Variants in CSMD1 observed in about 807,000 individuals in gnomAD.
CSMD1 encodes CUB and sushi domain-containing protein 1.
CSMD1 carries 213 observed loss-of-function variants against 417.5 expected under a neutral mutation model. The ratio of observed to expected loss-of-function variants is 0.51; its 90% CI spans 0.46 to 0.57. The LOEUF is 0.57. Among genes scored for constraint, CSMD1 ranks in the 20% least tolerant of loss-of-function variants. CSMD1 has a pLI of 0.00. For missense variants in CSMD1, 6,923 were observed against 4,529.7 expected (o/e 1.53, Z -15.17); for synonymous variants, 2,862 against 1,736.8 (o/e 1.65, Z -16.11).
chr8:3,665,812 T>C (rs1420303861), intron 7 of CSMD1, among the ~76,000 whole-genome samples: 1 of 152,142 alleles, frequency 6.6e-6, no homozygotes, highest in Non-Finnish European at 1.5e-5. Context: ...CCTAGGAATC[T>C]CTTGAATGAT....
chr8:3,640,895 G>T (rs1355308099), intron 7 of CSMD1, among the ~76,000 whole-genome samples: 1 of 152,012 alleles, frequency 6.6e-6, no homozygotes, highest in Admixed American at 6.6e-5. Flanking sequence ...CCAATATGTG[G>T]CATTAATCAT....
chr8:4,125,597 G>C (rs959340155), intron 3 of CSMD1, among the ~76,000 whole-genome samples: 1 of 152,202 alleles, frequency 6.6e-6, no homozygotes, highest in Non-Finnish European at 1.5e-5. Flanking sequence ...TGCCTTTGCA[G>C]AATTATAACT....
intron 3 of CSMD1, among the ~76,000 whole-genome samples, chr8:4,237,115 T>C (rs182691221): frequency 6.6e-6 from 1 of 152,314 alleles, no homozygotes; most frequent in East Asian, 1.9e-4. Flanking sequence ...CATCAAGAAC[T>C]AGCTACTTTG....
intron 1 of CSMD1, among the ~76,000 whole-genome samples, chr8:4,764,243 G>C (rs994820448): frequency 2.0e-5 from 3 of 152,198 alleles, no homozygotes; most frequent in African/African-American, 7.2e-5. Context: ...GTATTGTACA[G>C]AGATTAGGGA....
At chr8:4,326,533 T>G (rs1195774333) in intron 3 of CSMD1, among the ~76,000 whole-genome samples, 1 of 152,128 alleles carries the variant, frequency 6.6e-6, no homozygotes, top group African/African-American at 2.4e-5. Flanking sequence ...GCATAATGAG[T>G]AATCAAAGGT....
intron 5 of CSMD1, among the ~76,000 whole-genome samples, chr8:3,983,704 G>A (rs1229864607): frequency 6.6e-6 from 1 of 152,214 alleles, no homozygotes; most frequent in Non-Finnish European, 1.5e-5. Flanking sequence ...CCATGGATTG[G>A]GGGCCATTGC....
chr8:2,965,922 T>C lies in CSMD1; in HGVS notation c.9133A>G (p.Asn3045Asp). 1.2e-6 allele frequency: 2 copies of C among 1,609,430 alleles called. No individual in the cohort carries two copies. Among genetic ancestry groups the C allele is most frequent in the Non-Finnish European group, 1.7e-6 (2 of 1,177,932 alleles). The change falls in exon 59 of 70, where the codon AAT becomes GAT. Residue 3045 changes from asparagine (N) to aspartate (D), a missense_variant. By Grantham distance (23) the Asn-to-Asp change is conservative. Coordinates refer to ENST00000635120, the MANE Select transcript of CSMD1 (RefSeq NM_033225.6). ...ISCGDPGTLA[N>D]GIQFGTDFTF... ...AAGTCGGTCCCAAACTGGATGCCAT[T>C]TGCTAGTGTGCCTGGATCCCCACAA...
intron 10 of CSMD1, among the ~76,000 whole-genome samples, chr8:3,494,572 A>G (rs893043660): frequency 7.3e-4 from 109 of 148,444 alleles, no homozygotes; most frequent in African/African-American, 2.8e-3. Context: ...AGATAGATAG[A>G]TAGATAGATA....
chr8:3,037,534 T>C (rs887551024), intron 50 of CSMD1, among the ~76,000 whole-genome samples: 1 of 152,176 alleles, frequency 6.6e-6, no homozygotes, highest in Non-Finnish European at 1.5e-5. Context: ...TCTTTGCTAT[T>C]GCAAACTGTG....
chr8:3,307,732 T>C lies in CSMD1; in HGVS notation c.3913A>G (p.Thr1305Ala). 1 of 1,613,712 alleles carries C rather than the reference T, an allele frequency of 6.2e-7. No homozygotes were observed. The highest frequency in any genetic ancestry group is 8.5e-7 in the Non-Finnish European group (1 of 1,179,712). ...CCTGGGTCTGCCTCTATAATCCAGG[T>C]GCAGTGGAGGTTGTTGTCATACGGA... ...PAPYDNNLHCTWIIEADPGKT... is the reference protein window; with the variant it reads ...PAPYDNNLHCAWIIEADPGKT... Residue 1305 changes from threonine (T) to alanine (A), a missense_variant, in exon 25 of 70, where the codon ACC (threonine) becomes GCC (alanine). By Grantham distance (58) the Thr-to-Ala change is moderately conservative (BLOSUM62 0). Transcript: ENST00000635120.
intron 41 of CSMD1, 102 bp from the exon 42 acceptor site, chr8:3,118,689 G>T: frequency 1.0e-6 from 1 of 1,001,328 alleles, no homozygotes; most frequent in Non-Finnish European, 1.5e-6. Flanking sequence ...AGATGAAGTT[G>T]TTGGATAAGT....
Position 4,468,061 on chromosome 8 carries a change from T to A in CSMD1, c.303-47996A>T, listed in dbSNP as rs1005655269. ...CTCAACAGGCCCTGCCTCCTGTCCG[T>A]CCCTGTCTTCTGAAATTGATCTGCA... On this transcript the variant is annotated intron_variant, in intron 2 of 69. Coordinates refer to ENST00000635120, the MANE Select transcript of CSMD1 (RefSeq NM_033225.6). 2.1e-3 allele frequency among the ~76,000 whole-genome samples: 307 copies of A among 149,374 alleles called. 1 individual carries two copies. The highest frequency in any genetic ancestry group is 7.6e-3 in the African/African-American group (295 of 38,936).
intron 4 of CSMD1, among the ~76,000 whole-genome samples, chr8:4,019,249 T>A (rs536082215): frequency 6.6e-6 from 1 of 152,330 alleles, no homozygotes; most frequent in South Asian, 2.1e-4. Flanking sequence ...AGAGGCACTC[T>A]CTCTTACAGA....
chr8:3,497,794 C>A (rs1282988249), intron 10 of CSMD1, among the ~76,000 whole-genome samples: 6 of 152,050 alleles, frequency 3.9e-5, no homozygotes, highest in Admixed American at 6.6e-5. Flanking sequence ...TCCTCTATTC[C>A]ATTCTCATTC....
chr8:3,672,423 T>A (rs1052403159), intron 7 of CSMD1, among the ~76,000 whole-genome samples: 1 of 152,102 alleles, frequency 6.6e-6, no homozygotes, highest in Non-Finnish European at 1.5e-5. Context: ...CAGTCCAGGG[T>A]GTGCTGGTAT....
chr8:4,946,826 G>A (rs1808402261), intron 1 of CSMD1, among the ~76,000 whole-genome samples: 1 of 152,028 alleles, frequency 6.6e-6, no homozygotes, highest in African/African-American at 2.4e-5. Context: ...AATAAAACAT[G>A]CCTCCAATTA....
intron 1 of CSMD1, among the ~76,000 whole-genome samples, chr8:4,752,564 T>C (rs1345868728): frequency 1.3e-5 from 2 of 151,932 alleles, no homozygotes; most frequent in African/African-American, 4.8e-5. Flanking sequence ...ATGCACAGAG[T>C]GAAAACGAAG....
chr8:3,615,493 T>A (rs553258596), intron 8 of CSMD1, among the ~76,000 whole-genome samples: 85 of 152,294 alleles, frequency 5.6e-4, no homozygotes, highest in Non-Finnish European at 9.6e-4. Context: ...AATATATTAG[T>A]CAAGATGTGT....
chr8:4,483,383 G>T (rs866877765), intron 2 of CSMD1, among the ~76,000 whole-genome samples: 26 of 152,284 alleles, frequency 1.7e-4, no homozygotes, highest in African/African-American at 5.8e-4. Flanking sequence ...GCTTAATGCT[G>T]CTACATTTTC....
Sources: gnomAD v4.1 joint callset for allele counts (sites outside exome capture counted in the v4.1 genomes callset) on GRCh38, gnomAD v4.1.1 for gene constraint, MANE v1.5 for transcripts, NCBI Gene and HGNC (gene_info 2026-07-23, HGNC 2026-07-21) for gene names.